SEMA3E: variants seen among roughly 807,000 people sequenced by gnomAD.
SEMA3E encodes semaphorin-3E.
In SEMA3E, 49 loss-of-function variants were observed where a neutral mutation model predicts 93.6. That is an observed-to-expected ratio of 0.52 (90% CI 0.42 to 0.66). The LOEUF is 0.66. Ranked by LOEUF, SEMA3E falls within the 30% of genes least tolerant of loss-of-function variation. The pLI, the probability that SEMA3E is intolerant of heterozygous loss-of-function variation, is 0.00. For missense variants in SEMA3E, 906 were observed against 964.8 expected, an observed-to-expected ratio of 0.94 and a Z score of 0.81; for synonymous variants, 363 against 330.7, an observed-to-expected ratio of 1.10 and a Z score of -1.06.
chr7:83,539,115 T>C lies in SEMA3E; in HGVS notation c.116-48841A>G, dbSNP rs575102404. On this transcript the variant is annotated intron_variant, in intron 1 of 16. Transcript: ENST00000643230. ...TGTTTGGAAACATTCTAAGGATGTG[T>C]AGGATCTTATTTTGGGGCTGTGTGC... is the stretch of plus-strand genomic sequence containing the variant. Among the ~76,000 whole-genome samples the C allele has an allele frequency of 6.6e-4, 101 of 152,318 alleles. 1 individual carries two copies. The highest frequency in any genetic ancestry group is 2.4e-3 in the African/African-American group (99 of 41,586).
At chr7:83,417,611 C>T (rs1584234784) in intron 5 of SEMA3E, among the ~76,000 whole-genome samples, 1 of 152,102 alleles carries the variant, frequency 6.6e-6, no homozygotes. Context: ...AAAATCACTT[C>T]CATTAGTACC....
intron 1 of SEMA3E, among the ~76,000 whole-genome samples, chr7:83,515,885 A>G (rs1451687006): frequency 6.6e-6 from 1 of 151,984 alleles, no homozygotes; most frequent in Non-Finnish European, 1.5e-5. Flanking sequence ...AAACTAGCTC[A>G]GTGTGGTGGC....
intron 1 of SEMA3E, among the ~76,000 whole-genome samples, chr7:83,613,862 ATATT>A (rs989818237): frequency 2.6e-5 from 4 of 152,082 alleles, no homozygotes; most frequent in African/African-American, 9.7e-5. Context: ...ACATTTCCTT[ATATT>A]TATTTAACAA....
chr7:83,606,750 C>A, intron 1 of SEMA3E, among the ~76,000 whole-genome samples: 1 of 119,532 alleles, frequency 8.4e-6, no homozygotes, highest in Non-Finnish European at 1.7e-5. Context: ...TACCCTAAAA[C>A]TTAAAGTATA....
At chr7:83,421,321 C>CACACAGATAA (rs1788666248) in intron 4 of SEMA3E, among the ~76,000 whole-genome samples, 1 of 141,250 alleles carries the variant, frequency 7.1e-6, no homozygotes, top group African/African-American at 2.5e-5. Flanking sequence ...TATAAGGCTT[C>CACACAGATAA]ACACAGATAA....
intron 1 of SEMA3E, among the ~76,000 whole-genome samples, chr7:83,603,397 T>A (rs187999067): frequency 1.7e-3 from 254 of 152,098 alleles, no homozygotes; most frequent in Middle Eastern, 3.4e-3. Flanking sequence ...TTTGAAAAAA[T>A]TTATGCTATG....
At chr7:83,438,164 C>A (rs1038625469) in intron 4 of SEMA3E, among the ~76,000 whole-genome samples, 12 of 151,996 alleles carry the variant, frequency 7.9e-5, no homozygotes, top group African/African-American at 2.9e-4. Flanking sequence ...TATTTATTCA[C>A]TCTAAAATCA....
chr7:83,369,301 T>A (rs1356674754), intron 16 of SEMA3E, among the ~76,000 whole-genome samples: 3 of 152,214 alleles, frequency 2.0e-5, no homozygotes, highest in Non-Finnish European at 4.4e-5. Flanking sequence ...TGGCCAGGCA[T>A]GCCAGACTCA....
At chr7:83,524,025 C>G (rs951240286) in intron 1 of SEMA3E, among the ~76,000 whole-genome samples, 9 of 152,014 alleles carry the variant, frequency 5.9e-5, no homozygotes, top group Admixed American at 1.3e-4. Context: ...CAATCAAATG[C>G]TTATGTATTA....
intron 4 of SEMA3E, among the ~76,000 whole-genome samples, chr7:83,428,131 G>A (rs1788809882): frequency 6.6e-6 from 1 of 152,232 alleles, no homozygotes; most frequent in Admixed American, 6.5e-5. Context: ...TGGGCCTTGA[G>A]GGATGCCCTC....
At chr7:83,595,024 T>C (rs964838900) in intron 1 of SEMA3E, among the ~76,000 whole-genome samples, 1 of 151,562 alleles carries the variant, frequency 6.6e-6, no homozygotes, top group African/African-American at 2.4e-5. Flanking sequence ...ACATTAGTGA[T>C]AGACCTGGAG....
At chr7:83,394,539 A>AT (rs1249900320) in intron 12 of SEMA3E, among the ~76,000 whole-genome samples, 4 of 151,942 alleles carry the variant, frequency 2.6e-5, no homozygotes, top group Non-Finnish European at 5.9e-5. Flanking sequence ...GTGGGCAGAT[A>AT]TGCAGATGAG....
intron 5 of SEMA3E, among the ~76,000 whole-genome samples, chr7:83,411,358 T>C (rs1788436066): frequency 6.6e-6 from 1 of 152,090 alleles, no homozygotes; most frequent in African/African-American, 2.4e-5. Flanking sequence ...AAAGACACTA[T>C]ATAGGTGCTA....
intron 4 of SEMA3E, among the ~76,000 whole-genome samples, chr7:83,428,332 A>G (rs752905422): frequency 3.3e-5 from 5 of 152,248 alleles, no homozygotes; most frequent in Non-Finnish European, 5.9e-5. Flanking sequence ...CTAGAATATT[A>G]TAAGTACTAC....
intron 1 of SEMA3E, among the ~76,000 whole-genome samples, chr7:83,601,585 A>G (rs1339414405): frequency 2.6e-5 from 4 of 152,154 alleles, no homozygotes; most frequent in Non-Finnish European, 5.9e-5. Flanking sequence ...ATAGTCATAT[A>G]TTCTTTCCTG....
At chr7:83,447,452 C>T (rs762464403) in intron 4 of SEMA3E, among the ~76,000 whole-genome samples, 1 of 152,108 alleles carries the variant, frequency 6.6e-6, no homozygotes, top group South Asian at 2.1e-4. Flanking sequence ...GCAGGAAAAT[C>T]GCTTGAACCC....
intron 1 of SEMA3E, among the ~76,000 whole-genome samples, chr7:83,597,645 T>C (rs914886082): frequency 2.0e-5 from 3 of 152,164 alleles, no homozygotes; most frequent in Non-Finnish European, 4.4e-5. Flanking sequence ...TGGACTTATA[T>C]TCACTTTGTC....
intron 4 of SEMA3E, among the ~76,000 whole-genome samples, chr7:83,465,885 A>G (rs1789745547): frequency 6.6e-6 from 1 of 152,080 alleles, no homozygotes; most frequent in Non-Finnish European, 1.5e-5. Flanking sequence ...AGTAAATATT[A>G]TATGTGTGGC....
At chr7:83,479,109 T>C (rs1362791322) in intron 2 of SEMA3E, among the ~76,000 whole-genome samples, 1 of 152,174 alleles carries the variant, frequency 6.6e-6, no homozygotes, top group East Asian at 1.9e-4. Context: ...TCCTTAACCC[T>C]TACTGCATAC....
Sources: gnomAD v4.1 joint callset for allele counts (sites outside exome capture counted in the v4.1 genomes callset) on GRCh38, gnomAD v4.1.1 for gene constraint, MANE v1.5 for transcripts, NCBI Gene and HGNC (gene_info 2026-07-23, HGNC 2026-07-21) for gene names.